CACNA1D: variants seen among roughly 807,000 people sequenced by gnomAD.
CACNA1D encodes voltage-dependent L-type calcium channel subunit alpha-1D.
CACNA1D carries 55 observed loss-of-function variants against 257.1 expected under a neutral mutation model. That is an observed-to-expected ratio of 0.21 (90% confidence interval 0.17 to 0.27). The LOEUF (loss-of-function observed/expected upper bound fraction) is 0.27, where lower values mean the gene tolerates loss of function less well. Ranked by LOEUF, CACNA1D falls within the 10% of genes least tolerant of loss-of-function variation. The pLI is 1.00. For synonymous variants in CACNA1D, 980 were observed against 1,014.9 expected (o/e 0.97, Z 0.65); for missense variants, 1,876 against 2,784.0 (o/e 0.67, Z 7.34).
intron 15 of CACNA1D, among the ~76,000 whole-genome samples, chr3:53,727,271 AG>A (rs1246151842): frequency 2.6e-5 from 4 of 152,210 alleles, no homozygotes; most frequent in Non-Finnish European, 2.9e-5. Flanking sequence ...CTGGTCCCAG[AG>A]GTCACTCAGT....
At chr3:53,572,554 C>T (rs2092966653) in intron 3 of CACNA1D, among the ~76,000 whole-genome samples, 1 of 152,082 alleles carries the variant, frequency 6.6e-6, no homozygotes, top group Non-Finnish European at 1.5e-5. Context: ...CATGTGCCAC[C>T]ATGCCCAGCT....
intron 3 of CACNA1D, among the ~76,000 whole-genome samples, chr3:53,606,287 G>C (rs971448320): frequency 2.0e-5 from 3 of 152,228 alleles, no homozygotes; most frequent in Non-Finnish European, 2.9e-5. Context: ...CCAAAGTACA[G>C]AAACCCCTGC....
intron 3 of CACNA1D, among the ~76,000 whole-genome samples, chr3:53,590,851 G>A (rs1640950606): frequency 2.6e-5 from 4 of 152,330 alleles, no homozygotes; most frequent in Admixed American, 2.0e-4. Context: ...CACTTGGTGA[G>A]CATCCGGAAA....
At chr3:53,702,301 A>C (rs2094634319) in intron 8 of CACNA1D, among the ~76,000 whole-genome samples, 1 of 152,176 alleles carries the variant, frequency 6.6e-6, no homozygotes, top group African/African-American at 2.4e-5. Flanking sequence ...GGCGTCTCTG[A>C]GTTCAGGCCC....
At chr3:53,633,463 C>CAAAAA (rs1237762384) in intron 3 of CACNA1D, among the ~76,000 whole-genome samples, 7 of 151,944 alleles carry the variant, frequency 4.6e-5, no homozygotes, top group Admixed American at 2.0e-4. Context: ...AAAACAAAAA[C>CAAAAA]AAAAAGGCTG....
intron 5 of CACNA1D, among the ~76,000 whole-genome samples, chr3:53,664,754 T>C (rs1330535980): frequency 6.6e-6 from 1 of 152,216 alleles, no homozygotes; most frequent in Non-Finnish European, 1.5e-5. Flanking sequence ...TGCATGGACC[T>C]TGGGGGACTG....
At chr3:53,618,470 C>G (rs1044924301) in intron 3 of CACNA1D, among the ~76,000 whole-genome samples, 3 of 152,232 alleles carry the variant, frequency 2.0e-5, no homozygotes, top group Admixed American at 6.5e-5. Flanking sequence ...AGCTCGCGGT[C>G]TGTCCACTGC....
chr3:53,702,519 C>T (rs559925767), intron 8 of CACNA1D, 122 bp from the exon 9 acceptor site: 3 of 891,546 alleles, frequency 3.4e-6, no homozygotes, highest in Admixed American at 1.9e-5. Flanking sequence ...TTGCTGTGCT[C>T]ATGTGACTAT....
At chr3:53,615,788 G>A (rs944537458) in intron 3 of CACNA1D, among the ~76,000 whole-genome samples, 8 of 152,172 alleles carry the variant, frequency 5.3e-5, no homozygotes, top group South Asian at 2.1e-4. Flanking sequence ...TCCAACTGGC[G>A]CTGTAACTTG....
intron 29 of CACNA1D, among the ~76,000 whole-genome samples, chr3:53,761,006 G>A (rs1439661418): frequency 6.6e-6 from 1 of 152,234 alleles, no homozygotes; most frequent in African/African-American, 2.4e-5. Flanking sequence ...GCGTCAGCCT[G>A]AGGGAGTGCA....
At chr3:53,806,615 CT>C (rs2095567581) in intron 45 of CACNA1D, among the ~76,000 whole-genome samples, 1 of 152,188 alleles carries the variant, frequency 6.6e-6, no homozygotes, top group Admixed American at 6.5e-5. Flanking sequence ...GAACAGGACT[CT>C]AATCAGTAAC....
At chr3:53,515,213 C>G (rs1011407018) in intron 3 of CACNA1D, among the ~76,000 whole-genome samples, 1 of 152,162 alleles carries the variant, frequency 6.6e-6, no homozygotes, top group African/African-American at 2.4e-5. Flanking sequence ...GTGACTTTCT[C>G]AGCCGACTTG....
intron 3 of CACNA1D, among the ~76,000 whole-genome samples, chr3:53,580,457 C>T (rs709323): frequency 6.6e-6 from 1 of 152,122 alleles, no homozygotes; most frequent in African/African-American, 2.4e-5. Context: ...CATCTCCCAT[C>T]GTACCAAGTA....
chr3:53,695,856 A>G (rs1170865468), intron 8 of CACNA1D, among the ~76,000 whole-genome samples: 2 of 152,132 alleles, frequency 1.3e-5, no homozygotes, highest in African/African-American at 4.8e-5. Flanking sequence ...AGTCCTATCA[A>G]ATTTCTGTCT....
Position 53,770,564 on chromosome 3 carries a change from G to C in CACNA1D, c.4044+12G>C. 1 of 1,613,132 alleles carries C rather than the reference G, an allele frequency of 6.2e-7. No individual in the cohort carries two copies. On this transcript the variant is annotated intron_variant, in intron 32 of 47. Coordinates refer to ENST00000350061, the MANE Select transcript of CACNA1D (RefSeq NM_001128840.3). Reference sequence around the variant, plus strand: ...TTAAGTCCTTTCAGGTAAGAGCCATGCCAAGGACTTCTCTCTTTGTCTTTG... The same window carrying C: ...TTAAGTCCTTTCAGGTAAGAGCCATCCCAAGGACTTCTCTCTTTGTCTTTG...
intron 3 of CACNA1D, among the ~76,000 whole-genome samples, chr3:53,649,859 A>G (rs1186623662): frequency 6.6e-6 from 1 of 152,254 alleles, no homozygotes; most frequent in Non-Finnish European, 1.5e-5. Context: ...CTGTTGGTCC[A>G]TGTTTCTATT....
intron 3 of CACNA1D, among the ~76,000 whole-genome samples, chr3:53,531,304 G>A (rs2091942418): frequency 6.6e-6 from 1 of 152,148 alleles, no homozygotes; most frequent in Non-Finnish European, 1.5e-5. Context: ...GTTTGGAATT[G>A]TAATTGAGAA....
chr3:53,728,391 G>T (rs1436344577), intron 15 of CACNA1D, among the ~76,000 whole-genome samples: 1 of 152,072 alleles, frequency 6.6e-6, no homozygotes, highest in Non-Finnish European at 1.5e-5. Flanking sequence ...CGCCCGCCTT[G>T]GCCTCCCAAA....
At position 53,691,906 on chromosome 3, in the gene CACNA1D, T is replaced by TATATATTATATATATTACA. The variant is rs1559523454; in HGVS notation, c.1221-10735_1221-10734insATATATTATATATATTACA. 7.6e-4 allele frequency among the ~76,000 whole-genome samples: 40 copies of TATATATTATATATATTACA among 52,366 alleles called. No individual in the cohort carries two copies. In the South Asian group the frequency reaches 8.9e-3, roughly 12 times the overall value. 34.4% of individuals were successfully genotyped at this position (52,366 alleles called of 152,430 possible). ...ATATATATTATATATATTACATATA[T>TATATATTATATATATTACA]TATATATAATATATATTATATATAT... On this transcript the variant is annotated intron_variant, in intron 8 of 47. Transcript: ENST00000350061.
Sources: gnomAD v4.1 joint callset for allele counts (sites outside exome capture counted in the v4.1 genomes callset) on GRCh38, gnomAD v4.1.1 for gene constraint, MANE v1.5 for transcripts, NCBI Gene and HGNC (gene_info 2026-07-23, HGNC 2026-07-21) for gene names.